Variants in INPP4B observed in about 807,000 individuals in gnomAD.
The protein encoded by INPP4B is inositol polyphosphate 4-phosphatase type II.
In INPP4B, 55 loss-of-function variants were observed where a neutral mutation model predicts 122.5. The ratio of observed to expected loss-of-function variants is 0.45; its 90% confidence interval spans 0.36 to 0.56. The LOEUF (loss-of-function observed/expected upper bound fraction) is 0.56, where lower values mean the gene tolerates loss of function less well. INPP4B is among the 20% of genes least tolerant of loss of function. The pLI is 0.00. For synonymous variants in INPP4B, 403 were observed against 388.7 expected, an observed-to-expected ratio of 1.04 and a Z score of -0.43; for missense variants, 1,000 against 1,097.7, an observed-to-expected ratio of 0.91 and a Z score of 1.26.
At chr4:142,416,541 T>C (rs1805813519) in intron 5 of INPP4B, among the ~76,000 whole-genome samples, 1 of 152,156 alleles carries the variant, frequency 6.6e-6, no homozygotes. Context: ...CCAAATATTT[T>C]ACCAGTAGAA....
At chr4:142,509,215 G>A (rs1019260964) in intron 2 of INPP4B, among the ~76,000 whole-genome samples, 2 of 152,182 alleles carry the variant, frequency 1.3e-5, no homozygotes, top group Non-Finnish European at 2.9e-5. Context: ...CGGTAGCAAC[G>A]TGGACCAGTT....
chr4:142,748,832 G>C (rs995583567), intron 1 of INPP4B, among the ~76,000 whole-genome samples: 1 of 151,918 alleles, frequency 6.6e-6, no homozygotes, highest in African/African-American at 2.4e-5. Context: ...ACAGCAGAAG[G>C]ACTTTCAAAT....
Position 142,836,186 on chromosome 4 carries a change from A to T in INPP4B, c.-254+10023T>A, listed in dbSNP as rs187669035. Reference sequence around the variant, plus strand: ...TTCACTCAATGAAACTTCAATTGAAATCTAAAAATATTTTGGCACAGCTTT... The same window carrying T: ...TTCACTCAATGAAACTTCAATTGAATTCTAAAAATATTTTGGCACAGCTTT... On this transcript the variant is annotated intron_variant, in intron 1 of 25. Transcript: ENST00000262992. Among the ~76,000 whole-genome samples the T allele has an allele frequency of 4.4e-4, 67 of 152,290 alleles. No homozygotes were observed. In the Middle Eastern group the frequency reaches 0.017, roughly 39 times the overall value.
At chr4:142,704,386 T>C (rs2150770473) in intron 2 of INPP4B, among the ~76,000 whole-genome samples, 1 of 152,296 alleles carries the variant, frequency 6.6e-6, no homozygotes, top group South Asian at 2.1e-4. Flanking sequence ...ACATATGAAT[T>C]ACATATAATT....
chr4:142,425,773 A>G (rs946072264), intron 5 of INPP4B, among the ~76,000 whole-genome samples: 1 of 151,990 alleles, frequency 6.6e-6, no homozygotes, highest in African/African-American at 2.4e-5. Context: ...ACTTAACACT[A>G]TCTGAAATGA....
In INPP4B at chr4:142,145,853, G is replaced by A; in HGVS notation, c.1707C>T (p.Pro569=). ...EKEPSLTDAI[P]SHPREDWYEQ... is the part of the protein sequence containing the mutation. ...ATTATTTCTTACCTCTTGGGTGAGAGGGAATGGCATCTGTTAATGAAGGTT... is the reference window on the plus strand; with the variant it reads ...ATTATTTCTTACCTCTTGGGTGAGAAGGAATGGCATCTGTTAATGAAGGTT... Residue 569 remains proline (P), a synonymous_variant, in exon 18 of 26, where the codon CCC becomes CCT. Transcript: ENST00000262992. 4.3e-6 allele frequency: 7 copies of A among 1,613,508 alleles called. No individual in the cohort carries two copies. Among genetic ancestry groups the A allele is most frequent in the Non-Finnish European group, 5.9e-6 (7 of 1,179,644 alleles).
intron 2 of INPP4B, among the ~76,000 whole-genome samples, chr4:142,646,009 T>C (rs972112354): frequency 6.6e-6 from 1 of 152,188 alleles, no homozygotes; most frequent in African/African-American, 2.4e-5. Context: ...GATTCTATAG[T>C]AACAGAAACC....
intron 25 of INPP4B, among the ~76,000 whole-genome samples, chr4:142,039,816 C>G (rs1003669821): frequency 2.6e-5 from 4 of 151,652 alleles, no homozygotes; most frequent in Non-Finnish European, 5.9e-5. Flanking sequence ...TAAAAGAATG[C>G]TAATATGTGA....
chr4:142,648,904 C>A (rs1036476803), intron 2 of INPP4B, among the ~76,000 whole-genome samples: 1 of 152,202 alleles, frequency 6.6e-6, no homozygotes, highest in Admixed American at 6.5e-5. Flanking sequence ...AAGTGGGTTC[C>A]TGACACCTGT....
chr4:142,789,900 G>C (rs1695654429), intron 1 of INPP4B, among the ~76,000 whole-genome samples: 1 of 152,012 alleles, frequency 6.6e-6, no homozygotes, highest in Admixed American at 6.6e-5. Context: ...GTAGACCAAT[G>C]GAACAGAATA....
chr4:142,043,163 T>C (rs1054491655), intron 25 of INPP4B, among the ~76,000 whole-genome samples: 7 of 152,172 alleles, frequency 4.6e-5, no homozygotes, highest in African/African-American at 1.4e-4. Context: ...ATTTCCTAAC[T>C]AACTTTTCTC....
chr4:142,295,656 G>A (rs1009682047), intron 9 of INPP4B, among the ~76,000 whole-genome samples: 4 of 152,040 alleles, frequency 2.6e-5, no homozygotes, highest in South Asian at 2.1e-4. Context: ...CAGGCGACAT[G>A]TGTCCTCTGA....
chr4:142,068,865 T>A (rs1247646719), intron 25 of INPP4B, among the ~76,000 whole-genome samples: 1 of 151,998 alleles, frequency 6.6e-6, no homozygotes, highest in Admixed American at 6.6e-5. Context: ...AGACTTAGAC[T>A]CTCACACAAT....
Position 142,634,040 on chromosome 4 carries a change from G to T in INPP4B, c.-191+91799C>A, listed in dbSNP as rs141327159. On this transcript the variant is annotated intron_variant, in intron 2 of 25. Coordinates refer to ENST00000262992, the MANE Select transcript of INPP4B (RefSeq NM_001101669.3). ...GACCATGTCTCAGATAAAAAGGAGG[G>T]AGGTGGGGGGAAAAGGCAGGGGGCT... 7.1e-3 allele frequency among the ~76,000 whole-genome samples: 1,077 copies of T among 151,128 alleles called. 19 individuals are homozygous for T. The highest frequency in any genetic ancestry group is 0.025 in the African/African-American group (1,020 of 41,284).
chr4:142,829,275 T>C (rs1298708722), intron 1 of INPP4B, among the ~76,000 whole-genome samples: 1 of 152,028 alleles, frequency 6.6e-6, no homozygotes, highest in Admixed American at 6.6e-5. Flanking sequence ...CCTGTAGGAA[T>C]CATCACAGCA....
At chr4:142,339,626 C>T (rs988461612) in intron 7 of INPP4B, among the ~76,000 whole-genome samples, 1 of 152,252 alleles carries the variant, frequency 6.6e-6, no homozygotes, top group Non-Finnish European at 1.5e-5. Flanking sequence ...ATGTTTAGCA[C>T]CCTCTTGTTC....
chr4:142,075,679 G>T (rs1770268126), intron 25 of INPP4B, among the ~76,000 whole-genome samples: 2 of 151,916 alleles, frequency 1.3e-5, no homozygotes, highest in South Asian at 4.1e-4. Context: ...AGTGTAGAGA[G>T]CAAGGGTAAC....
At chr4:142,196,159 C>CATCT (rs566388303) in intron 14 of INPP4B, among the ~76,000 whole-genome samples, 64 of 151,934 alleles carry the variant, frequency 4.2e-4, no homozygotes, top group African/African-American at 1.5e-3. Flanking sequence ...TTTTTAGAAC[C>CATCT]ATCTATATTA....
At chr4:142,818,649 C>T (rs1780429155) in intron 1 of INPP4B, among the ~76,000 whole-genome samples, 2 of 152,072 alleles carry the variant, frequency 1.3e-5, no homozygotes, top group African/African-American at 2.4e-5. Flanking sequence ...GGGATCACCT[C>T]CTGCCCCGAT....
Sources: allele counts gnomAD v4.1 joint callset (sites outside exome capture counted in the v4.1 genomes callset), GRCh38; gene constraint gnomAD v4.1.1; transcripts MANE v1.5; gene names NCBI Gene and HGNC (gene_info 2026-07-23, HGNC 2026-07-21).